The following RABGAP1 variants were observed in gnomAD, a reference collection of about 807,000 sequenced individuals.
RABGAP1 encodes rab GTPase-activating protein 1.
Under a neutral mutation model 137.6 loss-of-function variants are expected in RABGAP1, and 23 were observed. The ratio of observed to expected loss-of-function variants is 0.17; its 90% CI spans 0.12 to 0.24. The LOEUF (loss-of-function observed/expected upper bound fraction) is 0.24, where lower values mean the gene tolerates loss of function less well. Among genes scored for constraint, RABGAP1 ranks in the 10% least tolerant of loss-of-function variants. The pLI, the probability that RABGAP1 is intolerant of heterozygous loss-of-function variation, is 1.00. For synonymous variants in RABGAP1, 451 were observed against 450.7 expected, an observed-to-expected ratio of 1.00 and a Z score of -0.01; for missense variants, 906 against 1,275.8, an observed-to-expected ratio of 0.71 and a Z score of 4.42.
Position 122,996,127 on chromosome 9 carries a change from C to A in RABGAP1, c.1010C>A (p.Thr337Asn), listed in dbSNP as rs748717815. Residue 337 changes from threonine to asparagine, a missense_variant, in exon 7 of 26, where the codon ACT (threonine) becomes AAT (asparagine). Physicochemically the swap from Thr to Asn is moderately conservative, Grantham distance 65 (BLOSUM62 0). Around this residue, in one of 9 missense-constraint regions of RABGAP1, gnomAD observed 17 missense variants for 57.4 expected, o/e 0.30. Coordinates refer to ENST00000373647, the MANE Select transcript of RABGAP1 (RefSeq NM_012197.4). Reference sequence around the variant, plus strand: ...ATTGTCATCTATGTGCAGCAAACAACTAATAAAGAACTTGCCATTGAAAGG... The same window carrying A: ...ATTGTCATCTATGTGCAGCAAACAAATAATAAAGAACTTGCCATTGAAAGG... ...KKIVIYVQQT[T>N]NKELAIERCF... is the part of the protein sequence containing the mutation. 9 of 1,609,766 alleles carry A rather than the reference C, an allele frequency of 5.6e-6. No homozygotes were observed. The highest frequency in any genetic ancestry group is 7.6e-6 in the Non-Finnish European group (9 of 1,178,976).
At chr9:123,019,686 T>TTGTG (rs2031487454) in intron 12 of RABGAP1, among the ~76,000 whole-genome samples, 1 of 150,010 alleles carries the variant, frequency 6.7e-6, no homozygotes, top group Admixed American at 6.7e-5. Flanking sequence ...TTTGCTCTTT[T>TTGTG]TTTGTTTGTT....
intron 1 of RABGAP1, among the ~76,000 whole-genome samples, chr9:122,954,688 G>A (rs1160734725): frequency 1.3e-5 from 2 of 152,108 alleles, no homozygotes; most frequent in Non-Finnish European, 2.9e-5. Flanking sequence ...TTCTCTTGAA[G>A]TACAAATTCT....
intron 3 of RABGAP1, among the ~76,000 whole-genome samples, chr9:122,985,589 G>A (rs1414184319): frequency 7.2e-6 from 1 of 138,690 alleles, no homozygotes; most frequent in Non-Finnish European, 1.5e-5. Flanking sequence ...CTTCAGCCTG[G>A]CGACAGAGCG....
At chr9:123,097,940 C>T in intron 22 of RABGAP1, 95 bp downstream of exon 22, 6 of 983,316 alleles carry the variant, frequency 6.1e-6, no homozygotes, top group Non-Finnish European at 9.0e-6. Flanking sequence ...AACCTAGAGA[C>T]ATCTGGCTTC....
At chr9:123,047,429 A>G (rs1258905924) in intron 13 of RABGAP1, among the ~76,000 whole-genome samples, 2 of 152,190 alleles carry the variant, frequency 1.3e-5, no homozygotes, top group Non-Finnish European at 2.9e-5. Context: ...AAATATAAAA[A>G]GTTTAATTCT....
intron 6 of RABGAP1, 66 bp downstream of exon 6, chr9:122,990,279 A>G (rs1220633507): frequency 8.2e-6 from 11 of 1,345,242 alleles, no homozygotes; most frequent in Admixed American, 4.7e-5. Context: ...AGGTCAGATT[A>G]TAACTTTCAT....
chr9:122,935,926 T>C (rs1833380933), upstream of RABGAP1, among the ~76,000 whole-genome samples: 1 of 152,182 alleles, frequency 6.6e-6, no homozygotes, highest in African/African-American at 2.4e-5. Context: ...TGAAGAACAA[T>C]TTTGCCAGAT....
intron 13 of RABGAP1, chr9:123,033,819 A>C (rs1588303860): frequency 6.6e-6 from 1 of 152,392 alleles, no homozygotes; most frequent in Admixed American, 6.5e-5. Flanking sequence ...TATTGGAATC[A>C]ATGAAGAAAG....
intron 10 of RABGAP1, among the ~76,000 whole-genome samples, chr9:123,004,060 G>A (rs975133291): frequency 1.3e-5 from 2 of 152,126 alleles, no homozygotes; most frequent in African/African-American, 2.4e-5. Flanking sequence ...GTATGTGTGT[G>A]GTACACACAT....
At chr9:123,024,428 C>T (rs1399654231) in intron 13 of RABGAP1, among the ~76,000 whole-genome samples, 1 of 151,842 alleles carries the variant, frequency 6.6e-6, no homozygotes, top group Non-Finnish European at 1.5e-5. Context: ...GTAAGTGATG[C>T]CAGCATATCT....
intron 13 of RABGAP1, among the ~76,000 whole-genome samples, chr9:123,058,552 T>G (rs76671344): frequency 0.62 from 94,717 of 151,934 alleles, 36,680 homozygotes; most frequent in Non-Finnish European, 0.86. Context: ...TAGATTTTTT[T>G]TTTTTCCTTT....
At chr9:123,088,493 C>T (rs2034938094) in intron 19 of RABGAP1, among the ~76,000 whole-genome samples, 1 of 152,102 alleles carries the variant, frequency 6.6e-6, no homozygotes, top group South Asian at 2.1e-4. Context: ...GATAGTCACC[C>T]AGCCTGGGCA....
chr9:122,959,565 GA>G (rs765690931), intron 2 of RABGAP1, among the ~76,000 whole-genome samples: 8 of 152,100 alleles, frequency 5.3e-5, no homozygotes, highest in Non-Finnish European at 7.4e-5. Flanking sequence ...TACAGCAAAT[GA>G]AAAAACATTT....
intron 2 of RABGAP1, among the ~76,000 whole-genome samples, chr9:122,975,285 A>G (rs1835706075): frequency 6.6e-6 from 1 of 152,240 alleles, no homozygotes; most frequent in Non-Finnish European, 1.5e-5. Flanking sequence ...GTAGCTTTGT[A>G]TAACTGGCAA....
chr9:122,940,407 A>C (rs1005789619), upstream of RABGAP1: 5 of 152,172 alleles, frequency 3.3e-5, no homozygotes, highest in Non-Finnish European at 7.3e-5. Flanking sequence ...CAGTGGTTTT[A>C]GGACTTGGCA....
Position 123,103,314 on chromosome 9 carries a change from T to G in RABGAP1, c.*101T>G, listed in dbSNP as rs1356455265. The stretch of plus-strand genomic sequence containing the variant: ...TGTGACTTGTCCCAGGACCAGAATG[T>G]ACCTAAGTCAGATCCATAGACGCAT... On this transcript the variant is annotated 3_prime_UTR_variant, in exon 26 of 26. Transcript: ENST00000373647. The G allele has an allele frequency of 2.0e-6, 3 of 1,523,104 alleles. No individual in the cohort carries two copies. The African/African-American group carries it at 4.1e-5, about 21-fold the overall frequency. The allele number at this position is 1,523,104 out of a possible 1,614,324, so 94.3% of individuals were successfully genotyped here.
At chr9:123,047,696 T>G (rs2033266956) in intron 13 of RABGAP1, among the ~76,000 whole-genome samples, 1 of 152,030 alleles carries the variant, frequency 6.6e-6, no homozygotes, top group African/African-American at 2.4e-5. Context: ...GCCTAAAAGC[T>G]TTATAAAAAT....
At chr9:122,981,098 C>T (rs962247582) in intron 2 of RABGAP1, among the ~76,000 whole-genome samples, 1 of 151,984 alleles carries the variant, frequency 6.6e-6, no homozygotes, top group African/African-American at 2.4e-5. Flanking sequence ...AGTGCAGTGG[C>T]GCGATCTTGG....
Position 123,097,819 on chromosome 9 carries a change from A to G in RABGAP1, c.2707A>G (p.Arg903Gly), listed in dbSNP as rs765541082. Residue 903 changes from arginine (R) to glycine (G), a missense_variant, in exon 22 of 26, where the codon AGA (arginine) becomes GGA (glycine). Arg to Gly is a moderately radical substitution (Grantham distance 125). Around this residue, in one of 9 missense-constraint regions of RABGAP1, gnomAD observed 193 missense variants for 248.1 expected, o/e 0.78. Coordinates refer to ENST00000373647, the MANE Select transcript of RABGAP1 (RefSeq NM_012197.4). ...GTTGATTGATGCAGAAGAAGAGAAA[A>G]GACGGCTGGAAGAAGAGTCTGCTCA... ...QKLIDAEEEK[R>G]RLEEESAQLK... The G allele has an allele frequency of 6.2e-7, 1 of 1,613,650 alleles. No individual in the cohort carries two copies. Among genetic ancestry groups the G allele is most frequent in the Non-Finnish European group, 8.5e-7 (1 of 1,179,824 alleles).
Sources: allele counts gnomAD v4.1 joint callset (sites outside exome capture counted in the v4.1 genomes callset), GRCh38; gene constraint gnomAD v4.1.1; regional missense constraint gnomAD v4.1.1; transcripts MANE v1.5; gene names NCBI Gene and HGNC (gene_info 2026-07-23, HGNC 2026-07-21).